ITGBL1: variants seen among roughly 807,000 people sequenced by gnomAD.
ITGBL1 encodes integrin subunit beta like 1.
In ITGBL1, 51 loss-of-function variants were observed where a neutral mutation model predicts 68.5. The observed-to-expected ratio is 0.74, with a 90% CI of 0.59 to 0.94. The LOEUF (loss-of-function observed/expected upper bound fraction) is 0.94, where lower values mean the gene tolerates loss of function less well. Among genes scored for constraint, ITGBL1 ranks in the 40% least tolerant of loss-of-function variants. ITGBL1 has a pLI of 0.00. For synonymous variants in ITGBL1, 209 were observed against 227.3 expected (o/e 0.92, Z 0.72); for missense variants, 649 against 647.4 (o/e 1.00, Z -0.03).
At chr13:101,630,318 A>G (rs1013284095) in intron 7 of ITGBL1, among the ~76,000 whole-genome samples, 1 of 152,164 alleles carries the variant, frequency 6.6e-6, no homozygotes, top group Non-Finnish European at 1.5e-5. Flanking sequence ...AAATCATTCA[A>G]TATTTTGAAT....
At chr13:101,460,831 C>G (rs1254085029) in intron 2 of ITGBL1, among the ~76,000 whole-genome samples, 2 of 152,100 alleles carry the variant, frequency 1.3e-5, no homozygotes, top group African/African-American at 4.8e-5. Context: ...AACCAGCTGT[C>G]CTGTGAACAA....
intron 2 of ITGBL1, among the ~76,000 whole-genome samples, chr13:101,458,124 A>C (rs1262474182): frequency 2.0e-5 from 3 of 152,234 alleles, no homozygotes; most frequent in Non-Finnish European, 2.9e-5. Context: ...GCAGCTTACC[A>C]TTGAGTAGGG....
intron 2 of ITGBL1, among the ~76,000 whole-genome samples, chr13:101,459,204 C>A (rs1288398358): frequency 6.6e-6 from 1 of 152,062 alleles, no homozygotes; most frequent in Non-Finnish European, 1.5e-5. Context: ...ATTTCATTGG[C>A]CACCACGTTT....
At chr13:101,509,383 C>T (rs534197142) in intron 2 of ITGBL1, among the ~76,000 whole-genome samples, 46 of 152,204 alleles carry the variant, frequency 3.0e-4, no homozygotes, top group Non-Finnish European at 6.2e-4. Flanking sequence ...CACAGCCAAA[C>T]CATATAGTCT....
At chr13:101,635,481 G>C (rs375499137) in intron 7 of ITGBL1, among the ~76,000 whole-genome samples, 2 of 152,038 alleles carry the variant, frequency 1.3e-5, no homozygotes, top group African/African-American at 4.8e-5. Flanking sequence ...CCATGTAGTT[G>C]TGTGAGGTTT....
At chr13:101,496,887 G>A (rs2048864843) in intron 2 of ITGBL1, among the ~76,000 whole-genome samples, 1 of 152,202 alleles carries the variant, frequency 6.6e-6, no homozygotes, top group African/African-American at 2.4e-5. Context: ...AAAATCCAGA[G>A]ATGAACATGG....
intron 3 of ITGBL1, among the ~76,000 whole-genome samples, chr13:101,574,781 T>A (rs1639817270): frequency 6.6e-6 from 1 of 152,064 alleles, no homozygotes; most frequent in Non-Finnish European, 1.5e-5. Context: ...GTAGACCAGA[T>A]GACTACCATG....
intron 6 of ITGBL1, among the ~76,000 whole-genome samples, chr13:101,585,857 C>T (rs1023978435): frequency 2.0e-5 from 3 of 152,060 alleles, no homozygotes; most frequent in Non-Finnish European, 4.4e-5. Flanking sequence ...ATATGGAGCC[C>T]CTTTTTCCTA....
chr13:101,695,405 A>G (rs1242122701), intron 8 of ITGBL1, among the ~76,000 whole-genome samples: 5 of 152,204 alleles, frequency 3.3e-5, no homozygotes, highest in African/African-American at 4.8e-5. Flanking sequence ...ACCAAAGGGA[A>G]AAGAGTGTGA....
At chr13:101,524,066 G>C (rs2139140835) in intron 2 of ITGBL1, among the ~76,000 whole-genome samples, 2 of 152,200 alleles carry the variant, frequency 1.3e-5, no homozygotes, top group South Asian at 4.2e-4. Context: ...TTTTACTGCA[G>C]TGCAGTGTGA....
chr13:101,613,402 T>A (rs1429304419), intron 7 of ITGBL1, among the ~76,000 whole-genome samples: 5 of 152,268 alleles, frequency 3.3e-5, no homozygotes, highest in African/African-American at 1.2e-4. Context: ...GCAACGGATG[T>A]CATAGAGTTT....
At chr13:101,653,073 G>A (rs1413171074) in intron 7 of ITGBL1, among the ~76,000 whole-genome samples, 1 of 151,416 alleles carries the variant, frequency 6.6e-6, no homozygotes, top group African/African-American at 2.4e-5. Context: ...TCCAGCCTGG[G>A]CAACAAGAGT....
At chr13:101,527,125 C>T (rs2049394031) in intron 2 of ITGBL1, among the ~76,000 whole-genome samples, 1 of 151,914 alleles carries the variant, frequency 6.6e-6, no homozygotes. Flanking sequence ...TTCAATGAAT[C>T]GCACCCATTT....
intron 2 of ITGBL1, among the ~76,000 whole-genome samples, chr13:101,529,900 G>A (rs2139156555): frequency 6.6e-6 from 1 of 152,214 alleles, no homozygotes; most frequent in Admixed American, 6.5e-5. Context: ...TTTTGGCAGT[G>A]TGAAAACGAA....
chr13:101,564,271 G>C (rs984710904), intron 2 of ITGBL1, among the ~76,000 whole-genome samples: 1 of 151,866 alleles, frequency 6.6e-6, no homozygotes, highest in African/African-American at 2.4e-5. Flanking sequence ...CAAGACTGTG[G>C]TTGTAGCAGA....
At chr13:101,665,801 CCTA>C (rs2033199836) in intron 7 of ITGBL1, among the ~76,000 whole-genome samples, 2 of 152,056 alleles carry the variant, frequency 1.3e-5, no homozygotes, top group Non-Finnish European at 2.9e-5. Flanking sequence ...TGCACAATTG[CCTA>C]ATAACAAGAA....
intron 2 of ITGBL1, among the ~76,000 whole-genome samples, chr13:101,467,592 C>T (rs1007004130): frequency 1.3e-5 from 2 of 152,134 alleles, no homozygotes; most frequent in African/African-American, 2.4e-5. Flanking sequence ...AAGTCATTCT[C>T]CTGTCTACTC....
In ITGBL1 at chr13:101,567,719, G is replaced by A; in HGVS notation, c.337G>A (p.Gly113Ser). The A allele has an allele frequency of 6.2e-7, 1 of 1,613,074 alleles. No homozygotes were observed. The highest frequency in any genetic ancestry group is 8.5e-7 in the Non-Finnish European group (1 of 1,179,366). ...TCAGHGKCDC[G>S]KCKCDQGWYG... ...CCCAGGCCATGGTAAGTGTGACTGT[G>A]GCAAGTGCAAGTGTGACCAGGGATG... The change falls in exon 3 of 11, where the codon GGC becomes AGC. Residue 113 changes from glycine to serine, a missense_variant. Physicochemically the swap from Gly to Ser is moderately conservative, Grantham distance 56. Transcript: ENST00000376180.
chr13:101,687,615 G>A (rs1300068327), intron 7 of ITGBL1, among the ~76,000 whole-genome samples: 1 of 151,936 alleles, frequency 6.6e-6, no homozygotes, highest in Admixed American at 6.6e-5. Context: ...CTTATAATGA[G>A]CTTTAAAATA....
Sources: allele counts gnomAD v4.1 joint callset (sites outside exome capture counted in the v4.1 genomes callset), GRCh38; gene constraint gnomAD v4.1.1; transcripts MANE v1.5; gene names NCBI Gene and HGNC (gene_info 2026-07-23, HGNC 2026-07-21).